Variants in PRSS3 observed in about 807,000 individuals in gnomAD.
PRSS3 encodes the protein serine protease 3.
In PRSS3, 14 loss-of-function variants were observed where a neutral mutation model predicts 20.8. The observed-to-expected ratio is 0.67, with a 90% CI of 0.44 to 1.05. PRSS3 has a LOEUF of 1.05. Among genes scored for constraint, PRSS3 ranks in the 50% least tolerant of loss-of-function variants. The pLI, the probability that PRSS3 is intolerant of heterozygous loss-of-function variation, is 0.00. For missense variants in PRSS3, 237 were observed against 306.4 expected (o/e 0.77, Z 1.69); for synonymous variants, 91 against 117.6 (o/e 0.77, Z 1.46).
chr9:33,794,332 T>C (rs1248041867), upstream of PRSS3, among the ~76,000 whole-genome samples: 1 of 152,202 alleles, frequency 6.6e-6, no homozygotes, highest in East Asian at 1.9e-4. Flanking sequence ...AGCACCCTCA[T>C]AAGGAAGCTC....
chr9:33,760,695 G>A (rs774913185), intron 1 of PRSS3, among the ~76,000 whole-genome samples: 21 of 142,526 alleles, frequency 1.5e-4, no homozygotes, highest in African/African-American at 4.1e-4. Flanking sequence ...GCAGTGAGCC[G>A]AGATCATGCC....
At chr9:33,766,327 A>C (rs1259381665) in intron 1 of PRSS3, among the ~76,000 whole-genome samples, 1 of 149,986 alleles carries the variant, frequency 6.7e-6, no homozygotes, top group Non-Finnish European at 1.5e-5. Context: ...TAATCCCAGC[A>C]CTTTGGGAGG....
At chr9:33,752,650 T>G (rs1468121923) in intron 1 of PRSS3, among the ~76,000 whole-genome samples, 1 of 152,230 alleles carries the variant, frequency 6.6e-6, no homozygotes, top group Non-Finnish European at 1.5e-5. Flanking sequence ...CTCTTAAGCT[T>G]CTACCCTTTT....
intron 1 of PRSS3, among the ~76,000 whole-genome samples, chr9:33,753,890 T>C (rs1822809653): frequency 6.6e-6 from 1 of 152,138 alleles, no homozygotes; most frequent in African/African-American, 2.4e-5. Context: ...GGAAAGGGGT[T>C]CCGATATGAA....
rs753245639 is a variant in PRSS3, at chr9:33,796,748, G to A, written c.146G>A (p.Gly49Asp). 6.2e-7 allele frequency: 1 copy of A among 1,607,824 alleles called. No individual in the cohort carries two copies. Among genetic ancestry groups the A allele is most frequent in the Non-Finnish European group, 8.5e-7 (1 of 1,177,100 alleles). The change falls in exon 2 of 5, where the codon GGT (glycine) becomes GAT (aspartate). Residue 49 changes from glycine to aspartate, a missense_variant. Coordinates refer to ENST00000379405, the MANE Select transcript of PRSS3 (RefSeq NM_002771.4). Reference protein sequence around the residue: ...VSLNSGSHFCGGSLISEQWVV... With the variant: ...VSLNSGSHFCDGSLISEQWVV... Reference sequence around the variant, plus strand: ...CTGAATTCTGGCTCCCACTTCTGCGGTGGCTCCCTCATCAGCGAACAGTGG... The same window carrying A: ...CTGAATTCTGGCTCCCACTTCTGCGATGGCTCCCTCATCAGCGAACAGTGG...
chr9:33,794,106 C>A (rs540276656), upstream of PRSS3, among the ~76,000 whole-genome samples: 1 of 152,380 alleles, frequency 6.6e-6, no homozygotes, highest in African/African-American at 2.4e-5. Context: ...ACGGGCCCCA[C>A]ATTCGCATTT....
At position 33,750,974 on chromosome 9, in the gene PRSS3, C is replaced by T. The variant is rs2118678320; in HGVS notation, c.-53+247C>T. The T allele has an allele frequency of 2.2e-6, 2 of 920,222 alleles. No homozygotes were observed. The highest frequency in any genetic ancestry group is 2.9e-6 in the Non-Finnish European group (2 of 684,932). 57.0% of individuals were successfully genotyped at this position (920,222 alleles called of 1,614,324 possible). On this transcript the variant is annotated intron_variant, in intron 1 of 5. Coordinates refer to the PRSS3 transcript ENST00000342836. This position sits in a 1 kb window ranked among gnomAD's most constrained non-coding sequence, Gnocchi z 4.8. Reference sequence around the variant, plus strand: ...GTCGCAGAAGCCCACCTGGGGCCCCCTCCGGGCTGCGGCACCGATGCGCAC... The same window carrying T: ...GTCGCAGAAGCCCACCTGGGGCCCCTTCCGGGCTGCGGCACCGATGCGCAC...
rs867057496 is a variant in PRSS3 at position 33,764,370 on chromosome 9, T to C, written c.-53+13643T>C. 3.3e-5 allele frequency among the ~76,000 whole-genome samples: 5 copies of C among 152,024 alleles called. No individual in the cohort carries two copies. In the South Asian group the frequency reaches 1.0e-3, roughly 32 times the overall value. ...CCAACATGGTGAAACCTTGTCTCTATTAAAAATACAAAATTAGCCAGGTGT... is the reference window on the plus strand; with the variant it reads ...CCAACATGGTGAAACCTTGTCTCTACTAAAAATACAAAATTAGCCAGGTGT... On this transcript the variant is annotated intron_variant, in intron 1 of 5. Transcript: ENST00000342836.
chr9:33,753,409 C>T (rs574935166), intron 1 of PRSS3, among the ~76,000 whole-genome samples: 1 of 152,302 alleles, frequency 6.6e-6, no homozygotes, highest in East Asian at 1.9e-4. Flanking sequence ...AAATCTACTT[C>T]ATTGGAGAAT....
At chr9:33,791,604 A>G (rs1824633352), upstream of PRSS3, among the ~76,000 whole-genome samples, 2 of 152,216 alleles carry the variant, frequency 1.3e-5, no homozygotes, top group African/African-American at 4.8e-5. Context: ...ATAAGAATCT[A>G]TATGGGTGTT....
intron 1 of PRSS3, among the ~76,000 whole-genome samples, chr9:33,757,881 G>A (rs1198919946): frequency 6.6e-6 from 1 of 151,978 alleles, no homozygotes; most frequent in South Asian, 2.1e-4. Flanking sequence ...CAAATCTGAT[G>A]GTATGGAATA....
chr9:33,757,323 T>C lies in PRSS3; in HGVS notation c.-53+6596T>C, dbSNP rs144753927. Among the ~76,000 whole-genome samples the C allele has an allele frequency of 2.8e-4, 42 of 152,360 alleles. 1 individual carries two copies. Among genetic ancestry groups the C allele is most frequent in the African/African-American group, 9.6e-4 (40 of 41,584 alleles). On this transcript the variant is annotated intron_variant, in intron 1 of 5. Transcript: ENST00000342836. ...AACTAATTTACTTTTTGATAACCAT[T>C]TGCAAAATATCGATTATATTGGGAA...
intron 1 of PRSS3, among the ~76,000 whole-genome samples, chr9:33,769,175 A>G (rs1426154679): frequency 2.0e-5 from 3 of 152,214 alleles, no homozygotes; most frequent in African/African-American, 7.2e-5. Context: ...TGCTCATAGT[A>G]AAATATGAAA....
rs1307768973 is a variant in PRSS3 at position 33,750,887 on chromosome 9, G to T, written c.-53+160G>T. 3 of 1,364,580 alleles carry T rather than the reference G, an allele frequency of 2.2e-6. No homozygotes were observed. The highest frequency in any genetic ancestry group is 2.8e-6 in the Non-Finnish European group (3 of 1,064,170). The allele number at this position is 1,364,580 out of a possible 1,614,324, so 84.5% of individuals were successfully genotyped here. Reference sequence around the variant, plus strand: ...CAGGGAGGGGATACCGACTGGGAGGGGCTCAGGGACAGGGATGGAGGCTCC... The same window carrying T: ...CAGGGAGGGGATACCGACTGGGAGGTGCTCAGGGACAGGGATGGAGGCTCC... On this transcript the variant is annotated intron_variant, in intron 1 of 5. Transcript: ENST00000342836. This position sits in a 1 kb window ranked among gnomAD's most constrained non-coding sequence, Gnocchi z 4.8.
chr9:33,797,817 C>A lies in PRSS3; in HGVS notation c.201-12C>A, dbSNP rs756500567. 1.9e-6 allele frequency: 3 copies of A among 1,614,242 alleles called. No individual in the cohort carries two copies. The Admixed American group carries it at 5.0e-5, about 27-fold the overall frequency. ...GGGAGAAGGTCTTCACCATGCCTGC[C>A]CTGCCCATCAGCCGCATCCAGGTGA... On this transcript the variant is annotated splice_polypyrimidine_tract_variant and intron_variant, in intron 2 of 4. Transcript: ENST00000379405.
At chr9:33,774,060 A>G (rs1284262903) in intron 1 of PRSS3, among the ~76,000 whole-genome samples, 1 of 152,182 alleles carries the variant, frequency 6.6e-6, no homozygotes, top group Non-Finnish European at 1.5e-5. Context: ...GTATTTTTTT[A>G]TTTAACATTT....
chr9:33,767,278 A>G (rs1277452246), intron 1 of PRSS3, among the ~76,000 whole-genome samples: 1 of 151,676 alleles, frequency 6.6e-6, no homozygotes, highest in East Asian at 1.9e-4. Flanking sequence ...CGACAGAGGG[A>G]GACTCTGTCT....
upstream of PRSS3, among the ~76,000 whole-genome samples, chr9:33,794,312 G>A (rs1191317300): frequency 6.6e-6 from 1 of 152,196 alleles, no homozygotes; most frequent in East Asian, 1.9e-4. Context: ...CAGAGTTGCT[G>A]AGAAGGGAAA....
At chr9:33,763,065 T>C (rs1410355118) in intron 1 of PRSS3, among the ~76,000 whole-genome samples, 1 of 152,202 alleles carries the variant, frequency 6.6e-6, no homozygotes, top group East Asian at 1.9e-4. Flanking sequence ...AAAACCAGGA[T>C]TGAACTTAGG....
Sources: allele counts gnomAD v4.1 joint callset (sites outside exome capture counted in the v4.1 genomes callset), GRCh38; gene constraint gnomAD v4.1.1; non-coding constraint Gnocchi (gnomAD v3.1); transcripts MANE v1.5; gene names NCBI Gene and HGNC (gene_info 2026-07-23, HGNC 2026-07-21).